CADM1: variants seen among roughly 807,000 people sequenced by gnomAD.
CADM1 encodes TSLC-1.
Under a neutral mutation model 53.1 loss-of-function variants are expected in CADM1, and 15 were observed. The ratio of observed to expected loss-of-function variants is 0.28; its 90% CI spans 0.19 to 0.44. The LOEUF (loss-of-function observed/expected upper bound fraction) is 0.44. Ranked by LOEUF, CADM1 falls within the 20% of genes least tolerant of loss-of-function variation. The pLI is 1.00. For synonymous variants in CADM1, 281 were observed against 243.0 expected (o/e 1.16, Z -1.45); for missense variants, 434 against 611.3 (o/e 0.71, Z 3.06).
At chr11:115,264,269 G>A (rs77319842) in intron 1 of CADM1, among the ~76,000 whole-genome samples, 34 of 152,258 alleles carry the variant, frequency 2.2e-4, no homozygotes, top group African/African-American at 7.2e-4. Flanking sequence ...AACTTCCTTT[G>A]TCAGTCTTGA....
At chr11:115,441,353 T>G (rs955698454) in intron 1 of CADM1, among the ~76,000 whole-genome samples, 15 of 152,160 alleles carry the variant, frequency 9.9e-5, no homozygotes, top group Non-Finnish European at 1.9e-4. Context: ...TGTGTAAAGT[T>G]TGCAGAGATA....
chr11:115,465,510 T>C (rs903276837), intron 1 of CADM1, among the ~76,000 whole-genome samples: 21 of 152,160 alleles, frequency 1.4e-4, no homozygotes, highest in African/African-American at 5.1e-4. Context: ...TAGGTTACAA[T>C]AGCTAACACT....
At chr11:115,476,025 CAATGA>C (rs1949122731) in intron 1 of CADM1, among the ~76,000 whole-genome samples, 1 of 152,000 alleles carries the variant, frequency 6.6e-6, no homozygotes, top group South Asian at 2.1e-4. Context: ...AGTGGGAACT[CAATGA>C]AATGATGAAT....
chr11:115,340,904 C>T (rs947343741), intron 1 of CADM1, among the ~76,000 whole-genome samples: 1 of 150,964 alleles, frequency 6.6e-6, no homozygotes, highest in African/African-American at 2.4e-5. Flanking sequence ...TCAGGTGATC[C>T]CAGCCTCCCA....
chr11:115,441,962 T>C (rs930190796), intron 1 of CADM1, among the ~76,000 whole-genome samples: 3 of 152,146 alleles, frequency 2.0e-5, no homozygotes, highest in African/African-American at 7.2e-5. Flanking sequence ...CTGGGCATTG[T>C]ACTAGGCACC....
chr11:115,287,083 TTC>T (rs934071081), intron 1 of CADM1, among the ~76,000 whole-genome samples: 8 of 152,238 alleles, frequency 5.3e-5, no homozygotes, highest in African/African-American at 1.9e-4. Context: ...TTCCTTTCTT[TTC>T]TGTTTAGATT....
intron 1 of CADM1, among the ~76,000 whole-genome samples, chr11:115,282,399 C>T (rs1187844391): frequency 6.6e-6 from 1 of 152,100 alleles, no homozygotes; most frequent in Non-Finnish European, 1.5e-5. Context: ...GACCTAGATA[C>T]ATGATTATGA....
At chr11:115,207,244 G>C (rs1406977292) in intron 8 of CADM1, 2 of 152,070 alleles carry the variant, frequency 1.3e-5, no homozygotes, top group African/African-American at 4.8e-5. Flanking sequence ...TGCGCAGGGA[G>C]GACTCAACTG....
chr11:115,422,417 A>G (rs76066736), intron 1 of CADM1, among the ~76,000 whole-genome samples: 2,571 of 152,324 alleles, frequency 0.017, 204 homozygotes, highest in East Asian at 0.13. Context: ...AGAAAGCCAC[A>G]AAAATAAAAG....
At chr11:115,466,105 A>C (rs2135382427) in intron 1 of CADM1, among the ~76,000 whole-genome samples, 1 of 152,250 alleles carries the variant, frequency 6.6e-6, no homozygotes, top group East Asian at 1.9e-4. Flanking sequence ...GAGCCAAAAA[A>C]GCTATGAAAA....
At chr11:115,198,947 C>A (rs545380535) in intron 8 of CADM1, among the ~76,000 whole-genome samples, 11 of 152,204 alleles carry the variant, frequency 7.2e-5, no homozygotes, top group Non-Finnish European at 1.6e-4. Context: ...CTTTTAGGAT[C>A]CTTTTACTGC....
chr11:115,443,750 A>G (rs1948383336), intron 1 of CADM1, among the ~76,000 whole-genome samples: 1 of 152,256 alleles, frequency 6.6e-6, no homozygotes, highest in African/African-American at 2.4e-5. Context: ...AGTCTGCTAA[A>G]TTTGTGGATG....
chr11:115,204,506 A>C (rs1940587709), intron 8 of CADM1, among the ~76,000 whole-genome samples: 1 of 152,214 alleles, frequency 6.6e-6, no homozygotes. Context: ...TGAGTGCATA[A>C]CTAAAAGCAG....
intron 1 of CADM1, among the ~76,000 whole-genome samples, chr11:115,468,591 G>C (rs939853356): frequency 6.6e-6 from 1 of 152,104 alleles, no homozygotes; most frequent in Non-Finnish European, 1.5e-5. Context: ...AAGGCAAAAG[G>C]GTCTATGGAT....
chr11:115,365,975 C>G (rs1263956001), intron 1 of CADM1, among the ~76,000 whole-genome samples: 3 of 152,144 alleles, frequency 2.0e-5, no homozygotes. Flanking sequence ...TGTGGGAACA[C>G]AGAATAGGTT....
At position 115,231,582 on chromosome 11, in the gene CADM1, G is replaced by C. The variant is rs943540471; in HGVS notation, c.425-92C>G. The C allele has an allele frequency of 5.8e-6, 7 of 1,209,674 alleles. No individual in the cohort carries two copies. The African/African-American group carries it at 1.0e-4, about 18-fold the overall frequency. 74.9% of individuals were successfully genotyped at this position (1,209,674 alleles called of 1,614,324 possible). On this transcript the variant is annotated intron_variant, in intron 3 of 11. Coordinates refer to ENST00000331581, the MANE Select transcript of CADM1 (RefSeq NM_001301043.2). ...AGAAAAACAGTAGACATTCCTGATGGGAATTTAAATCATCACAAGAGGCGA... is the reference window on the plus strand; with the variant it reads ...AGAAAAACAGTAGACATTCCTGATGCGAATTTAAATCATCACAAGAGGCGA...
At chr11:115,316,193 G>A (rs1252719649) in intron 1 of CADM1, among the ~76,000 whole-genome samples, 1 of 152,094 alleles carries the variant, frequency 6.6e-6, no homozygotes, top group Non-Finnish European at 1.5e-5. Context: ...TTGGCTTTGG[G>A]GGACTCACCC....
intron 1 of CADM1, among the ~76,000 whole-genome samples, chr11:115,409,056 T>C (rs1947389085): frequency 6.6e-6 from 1 of 151,936 alleles, no homozygotes; most frequent in South Asian, 2.1e-4. Context: ...CTATAACGTA[T>C]ATGAAGAGAT....
chr11:115,400,657 GTGTGTATATA>G (rs1281782744), intron 1 of CADM1, among the ~76,000 whole-genome samples: 8 of 82,284 alleles, frequency 9.7e-5, no homozygotes, highest in East Asian at 4.8e-4. Flanking sequence ...GTGTGTGTGT[GTGTGTATATA>G]TATATATATA....
Sources: gnomAD v4.1 joint callset for allele counts (sites outside exome capture counted in the v4.1 genomes callset) on GRCh38, gnomAD v4.1.1 for gene constraint, MANE v1.5 for transcripts, NCBI Gene and HGNC (gene_info 2026-07-23, HGNC 2026-07-21) for gene names.